AMPH: variants seen among roughly 807,000 people sequenced by gnomAD.
AMPH encodes amphiphysin (Stiff-Mann syndrome with breast cancer 128kD autoantigen).
AMPH carries 49 observed loss-of-function variants against 99.1 expected under a neutral mutation model. The ratio of observed to expected loss-of-function variants is 0.49; its 90% confidence interval spans 0.39 to 0.63. AMPH has a LOEUF of 0.63. Ranked by LOEUF, AMPH falls within the 20% of genes least tolerant of loss-of-function variation. AMPH has a pLI of 0.00. For synonymous variants in AMPH, 314 were observed against 317.3 expected (o/e 0.99, Z 0.11); for missense variants, 759 against 863.4 (o/e 0.88, Z 1.52).
At position 38,491,092 on chromosome 7, in the gene AMPH, C is replaced by T; in HGVS notation, c.354G>A (p.Leu118=). 6.2e-7 allele frequency: 1 copy of T among 1,613,180 alleles called. No homozygotes were observed. The highest frequency in any genetic ancestry group is 8.5e-7 in the Non-Finnish European group (1 of 1,179,332). Residue 118 remains leucine (L), a synonymous_variant, in exon 5 of 21, where the codon TTG becomes TTA. Coordinates refer to ENST00000356264, the MANE Select transcript of AMPH (RefSeq NM_001635.4). ...GCCCCAGGTAGGTATCCAGTGTTAG[C>T]AAGGACCCATCCACGAGTTTTTGAT... The part of the protein sequence containing the change: ...DFHQKLVDGS[L]LTLDTYLGQF...
intron 7 of AMPH, among the ~76,000 whole-genome samples, chr7:38,472,911 C>G (rs1460647693): frequency 1.3e-5 from 2 of 152,176 alleles, no homozygotes; most frequent in Non-Finnish European, 2.9e-5. Flanking sequence ...GACACTCCAA[C>G]AATTACTTTA....
intron 1 of AMPH, among the ~76,000 whole-genome samples, chr7:38,554,341 T>C (rs546855614): frequency 2.0e-5 from 3 of 152,354 alleles, no homozygotes; most frequent in East Asian, 1.9e-4. Context: ...AATCATGTTC[T>C]ATAGAAGGCT....
intron 2 of AMPH, among the ~76,000 whole-genome samples, chr7:38,528,140 C>T (rs1318896554): frequency 1.3e-5 from 2 of 152,112 alleles, no homozygotes; most frequent in Non-Finnish European, 2.9e-5. Flanking sequence ...TGTTAGATTT[C>T]ATTTGCTGAT....
At chr7:38,497,209 A>G (rs1287700360) in intron 3 of AMPH, among the ~76,000 whole-genome samples, 3 of 152,188 alleles carry the variant, frequency 2.0e-5, no homozygotes, top group Non-Finnish European at 4.4e-5. Flanking sequence ...TACTCTTCTG[A>G]CAGAGTATGA....
chr7:38,409,091 G>A (rs1785141201), intron 17 of AMPH, among the ~76,000 whole-genome samples: 1 of 152,192 alleles, frequency 6.6e-6, no homozygotes, highest in Non-Finnish European at 1.5e-5. Flanking sequence ...TAGAGATTGG[G>A]TTTTAGTTTT....
chr7:38,609,724 A>G (rs935824430), intron 1 of AMPH, among the ~76,000 whole-genome samples: 2 of 144,418 alleles, frequency 1.4e-5, no homozygotes, highest in Non-Finnish European at 3.0e-5. Flanking sequence ...ATACATTTAA[A>G]TAGTGGTTAC....
chr7:38,477,033 C>A, intron 5 of AMPH, 64 bp from the exon 6 acceptor site: 1 of 1,457,398 alleles, frequency 6.9e-7, no homozygotes, highest in South Asian at 1.1e-5. Flanking sequence ...CTTTGACAGC[C>A]AGGTGCCAAA....
intron 20 of AMPH, among the ~76,000 whole-genome samples, chr7:38,385,515 G>A (rs764186022): frequency 6.6e-6 from 1 of 152,164 alleles, no homozygotes; most frequent in African/African-American, 2.4e-5. Flanking sequence ...AATACTAAAA[G>A]CTAGATGTGT....
intron 7 of AMPH, among the ~76,000 whole-genome samples, chr7:38,467,394 G>A (rs560894776): frequency 5.3e-5 from 8 of 152,340 alleles, no homozygotes; most frequent in Non-Finnish European, 1.5e-5. Context: ...CACTCGCAGT[G>A]TTTGCAGAGA....
At chr7:38,530,019 G>A (rs1000001028) in intron 2 of AMPH, among the ~76,000 whole-genome samples, 3 of 152,072 alleles carry the variant, frequency 2.0e-5, no homozygotes, top group South Asian at 2.1e-4. Flanking sequence ...AAAATGTCAC[G>A]AAACCGCTTG....
intron 1 of AMPH, among the ~76,000 whole-genome samples, chr7:38,605,346 G>A (rs2129062879): frequency 6.6e-6 from 1 of 152,238 alleles, no homozygotes; most frequent in South Asian, 2.1e-4. Flanking sequence ...GAGACGGAAA[G>A]CATCTCTAGA....
At chr7:38,457,481 G>A (rs775442100) in intron 11 of AMPH, among the ~76,000 whole-genome samples, 6 of 152,178 alleles carry the variant, frequency 3.9e-5, no homozygotes, top group Non-Finnish European at 7.4e-5. Context: ...AGAACTTTAA[G>A]ACAGGTCTTT....
intron 1 of AMPH, among the ~76,000 whole-genome samples, chr7:38,603,790 C>A (rs1301919076): frequency 6.6e-6 from 1 of 152,198 alleles, no homozygotes; most frequent in Non-Finnish European, 1.5e-5. Flanking sequence ...TGACACTTCC[C>A]TGAGGCCTCA....
At chr7:38,387,443 T>C (rs995898490) in intron 20 of AMPH, among the ~76,000 whole-genome samples, 1 of 152,140 alleles carries the variant, frequency 6.6e-6, no homozygotes, top group African/African-American at 2.4e-5. Flanking sequence ...GAAACCCATA[T>C]GAAATAACAA....
chr7:38,557,824 C>T (rs1045216920), intron 1 of AMPH, among the ~76,000 whole-genome samples: 17 of 151,806 alleles, frequency 1.1e-4, no homozygotes, highest in Non-Finnish European at 1.8e-4. Flanking sequence ...GAGGCTGAGG[C>T]AGGTGGATTG....
chr7:38,524,711 AG>A, intron 2 of AMPH, among the ~76,000 whole-genome samples: 1 of 152,352 alleles, frequency 6.6e-6, no homozygotes, highest in East Asian at 1.9e-4. Flanking sequence ...CTATTATTAT[AG>A]CTTTTTGTAA....
intron 1 of AMPH, among the ~76,000 whole-genome samples, chr7:38,547,336 A>G (rs988333094): frequency 6.6e-6 from 1 of 152,218 alleles, no homozygotes; most frequent in Admixed American, 6.5e-5. Context: ...ATGAATTAAA[A>G]CAATCCAACA....
At chr7:38,394,241 G>T in intron 17 of AMPH, 27 bp from the exon 18 acceptor site, 1 of 1,611,380 alleles carries the variant, frequency 6.2e-7, no homozygotes, top group Non-Finnish European at 8.5e-7. Flanking sequence ...AGCAGGCCAC[G>T]TCTGCATCTC....
intron 14 of AMPH, chr7:38,429,353 G>T: frequency 7.8e-7 from 1 of 1,289,792 alleles, no homozygotes; most frequent in Non-Finnish European, 1.0e-6. Context: ...ACGAAAGCAG[G>T]CTGGTGGATA....
Sources: allele counts gnomAD v4.1 joint callset (sites outside exome capture counted in the v4.1 genomes callset), GRCh38; gene constraint gnomAD v4.1.1; transcripts MANE v1.5; gene names NCBI Gene and HGNC (gene_info 2026-07-23, HGNC 2026-07-21).